The following HTR4 variants were observed in gnomAD, a reference collection of about 807,000 sequenced individuals.
HTR4 encodes the protein 5-hydroxytryptamine receptor 4.
HTR4 carries 16 observed loss-of-function variants against 36.8 expected under a neutral mutation model. The observed-to-expected ratio is 0.43, with a 90% CI of 0.29 to 0.66. HTR4 has a LOEUF of 0.66. Among genes scored for constraint, HTR4 ranks in the 30% least tolerant of loss-of-function variants. HTR4 has a pLI of 0.13. For synonymous variants in HTR4, 189 were observed against 185.1 expected, an observed-to-expected ratio of 1.02 and a Z score of -0.17; for missense variants, 438 against 490.9, an observed-to-expected ratio of 0.89 and a Z score of 1.02.
At chr5:148,643,737 G>C (rs1753793848) in intron 1 of HTR4, among the ~76,000 whole-genome samples, 4 of 152,150 alleles carry the variant, frequency 2.6e-5, no homozygotes, top group African/African-American at 9.7e-5. Context: ...GAGGAGAAAT[G>C]GGTGCAAGGC....
chr5:148,498,814 G>T (rs1474644832), intron 6 of HTR4, among the ~76,000 whole-genome samples: 1 of 152,220 alleles, frequency 6.6e-6, no homozygotes. Flanking sequence ...GGTACCCAAA[G>T]ATAGAAGTCA....
chr5:148,644,369 C>T (rs1319420246), intron 1 of HTR4, among the ~76,000 whole-genome samples: 1 of 144,640 alleles, frequency 6.9e-6, no homozygotes, highest in South Asian at 2.2e-4. Context: ...GAAAACCCTC[C>T]TGTTATTTCC....
At chr5:148,624,799 G>C (rs1753035476) in intron 2 of HTR4, among the ~76,000 whole-genome samples, 1 of 152,156 alleles carries the variant, frequency 6.6e-6, no homozygotes, top group African/African-American at 2.4e-5. Context: ...AACTTTCTAT[G>C]ATGGGCCTTC....
chr5:148,610,273 A>G (rs1166863583), intron 2 of HTR4, among the ~76,000 whole-genome samples: 3 of 152,166 alleles, frequency 2.0e-5, no homozygotes, highest in Admixed American at 6.5e-5. Flanking sequence ...TGATTTCTGC[A>G]TTTCCATCTG....
rs1312177710 is a variant in HTR4 at position 148,509,959 on chromosome 5, G to T, written c.573C>A (p.Pro191=). ...STYCVFMVNK[P]YAITCSVVAF... is the part of the protein sequence containing the mutation. Reference sequence around the variant, plus strand: ...CCACCACAGAGCAGGTGATGGCGTAGGGCTTGTTGACCATGAAGACACAGT... The same window carrying T: ...CCACCACAGAGCAGGTGATGGCGTATGGCTTGTTGACCATGAAGACACAGT... The change falls in exon 6 of 7, where the codon CCC becomes CCA. Residue 191 remains proline (P), a synonymous_variant. Coordinates refer to ENST00000377888, the MANE Select transcript of HTR4 (RefSeq NM_000870.7). 1.9e-6 allele frequency: 3 copies of T among 1,613,780 alleles called. No homozygotes were observed. The highest frequency in any genetic ancestry group is 2.5e-6 in the Non-Finnish European group (3 of 1,179,968).
intron 4 of HTR4, among the ~76,000 whole-genome samples, chr5:148,526,662 G>GTA (rs1299409202): frequency 2.6e-5 from 4 of 151,942 alleles, no homozygotes; most frequent in Non-Finnish European, 5.9e-5. Flanking sequence ...AGAAAATGTG[G>GTA]TATATATATA....
chr5:148,451,549 T>G (rs1214224860), intron 5 of HTR4, among the ~76,000 whole-genome samples: 1 of 152,102 alleles, frequency 6.6e-6, no homozygotes, highest in Non-Finnish European at 1.5e-5. Context: ...AGAACCCAGA[T>G]TTCTTACTGC....
At chr5:148,522,388 G>A (rs185016300) in intron 5 of HTR4, among the ~76,000 whole-genome samples, 119 of 152,162 alleles carry the variant, frequency 7.8e-4, no homozygotes, top group African/African-American at 2.7e-3. Context: ...ATATTTGTTC[G>A]CTTATCTACA....
chr5:148,471,512 T>C (rs769363039), intron 5 of HTR4, among the ~76,000 whole-genome samples: 2 of 152,162 alleles, frequency 1.3e-5, no homozygotes, highest in African/African-American at 4.8e-5. Context: ...ATAATTTCCA[T>C]AGAACTATGT....
chr5:148,465,849 C>T, intron 5 of HTR4: 2 of 1,610,232 alleles, frequency 1.2e-6, no homozygotes, highest in Non-Finnish European at 1.7e-6. Flanking sequence ...GACAGACTTA[C>T]AGAGCACTTT....
exon 6 of HTR4, chr5:148,451,071 C>A (rs1373430765): frequency 7.1e-6 from 11 of 1,555,726 alleles, no homozygotes; most frequent in Non-Finnish European, 9.6e-6. Flanking sequence ...GGCTCTCAGC[C>A]CCTACTACCT....
intron 6 of HTR4, among the ~76,000 whole-genome samples, chr5:148,491,274 G>A (rs1756417999): frequency 6.6e-6 from 1 of 152,088 alleles, no homozygotes; most frequent in South Asian, 2.1e-4. Flanking sequence ...AGAAGTTCAG[G>A]ACCCTTCCTC....
intron 2 of HTR4, among the ~76,000 whole-genome samples, chr5:148,591,554 G>T (rs1256945952): frequency 6.6e-6 from 1 of 152,056 alleles, no homozygotes; most frequent in Non-Finnish European, 1.5e-5. Flanking sequence ...TCACCTCCAT[G>T]GTTATGTGTA....
chr5:148,626,909 T>A (rs769873546), intron 2 of HTR4, among the ~76,000 whole-genome samples: 1 of 152,208 alleles, frequency 6.6e-6, no homozygotes, highest in Non-Finnish European at 1.5e-5. Flanking sequence ...TACCTGAATG[T>A]TCCACAGTTA....
At chr5:148,549,046 C>T (rs1759542986) in intron 3 of HTR4, among the ~76,000 whole-genome samples, 178 bp from the exon 4 acceptor site, 1 of 152,166 alleles carries the variant, frequency 6.6e-6, no homozygotes, top group South Asian at 2.1e-4. Flanking sequence ...ATTCAATTTC[C>T]CCTTCTGTAA....
chr5:148,589,973 T>C (rs1761496633), intron 2 of HTR4, among the ~76,000 whole-genome samples: 1 of 152,140 alleles, frequency 6.6e-6, no homozygotes, highest in African/African-American at 2.4e-5. Context: ...TAACAAACTT[T>C]GTACCCTTTG....
chr5:148,548,898 C>G (rs1561612474), intron 3 of HTR4, 30 bp from the exon 4 acceptor site: 2 of 1,538,926 alleles, frequency 1.3e-6, no homozygotes, highest in South Asian at 1.1e-5. Context: ...AGAGAGGAGG[C>G]AGGGGGAGGG....
downstream of HTR4, among the ~76,000 whole-genome samples, chr5:148,477,115 C>T (rs1204625278): frequency 2.0e-5 from 3 of 152,020 alleles, no homozygotes; most frequent in Non-Finnish European, 2.9e-5. Context: ...TGTTTTAGAG[C>T]CTAATTCCCC....
At chr5:148,617,243 C>T (rs1752732180) in intron 2 of HTR4, among the ~76,000 whole-genome samples, 1 of 152,204 alleles carries the variant, frequency 6.6e-6, no homozygotes, top group Non-Finnish European at 1.5e-5. Flanking sequence ...TTCCCTCTCT[C>T]TTGCTCCTGC....
Sources: allele counts gnomAD v4.1 joint callset (sites outside exome capture counted in the v4.1 genomes callset), GRCh38; gene constraint gnomAD v4.1.1; transcripts MANE v1.5; gene names NCBI Gene and HGNC (gene_info 2026-07-23, HGNC 2026-07-21).